OLR1: variants seen among roughly 807,000 people sequenced by gnomAD.
The protein encoded by OLR1 is oxidized low-density lipoprotein receptor 1.
In OLR1, 23 loss-of-function variants were observed where a neutral mutation model predicts 31.7. The ratio of observed to expected loss-of-function variants is 0.72; its 90% CI spans 0.52 to 1.03. The LOEUF (loss-of-function observed/expected upper bound fraction) is 1.03, where lower values mean the gene tolerates loss of function less well. Among genes scored for constraint, OLR1 ranks in the 50% least tolerant of loss-of-function variants. The probability of loss-of-function intolerance (pLI) is 0.00; values close to 1 mark genes in which losing one functional copy is unlikely to be tolerated. For missense variants in OLR1, 286 were observed against 315.7 expected (o/e 0.91, Z 0.71); for synonymous variants, 117 against 115.8 (o/e 1.01, Z -0.07).
chr12:10,165,595 T>C (rs1229647640), intron 3 of OLR1, among the ~76,000 whole-genome samples: 1 of 151,264 alleles, frequency 6.6e-6, no homozygotes, highest in Non-Finnish European at 1.5e-5. Context: ...GAGATAAGGA[T>C]CTATGGAATG....
intron 5 of OLR1, 47 bp downstream of exon 5, chr12:10,160,300 G>A: frequency 6.9e-7 from 1 of 1,455,178 alleles, no homozygotes; most frequent in South Asian, 1.2e-5. Context: ...GTTCAGCAAA[G>A]AATAGGAAAC....
chr12:10,167,051 T>C (rs1481589236), intron 2 of OLR1, 94 bp from the exon 3 acceptor site: 1 of 1,238,492 alleles, frequency 8.1e-7, no homozygotes, highest in Non-Finnish European at 1.1e-6. Flanking sequence ...TAAATCTATT[T>C]TGACAATAGA....
At chr12:10,174,708 T>C (rs1311690503), upstream of OLR1, among the ~76,000 whole-genome samples, 4 of 152,234 alleles carry the variant, frequency 2.6e-5, no homozygotes, top group African/African-American at 7.2e-5. Flanking sequence ...GTATTGATCC[T>C]CTTTCTCTGC....
intron 3 of OLR1, among the ~76,000 whole-genome samples, chr12:10,165,717 C>T (rs1040962116): frequency 4.7e-5 from 7 of 149,484 alleles, no homozygotes; most frequent in Non-Finnish European, 7.4e-5. Context: ...GCTGAGATCA[C>T]ACCACTGCAT....
intron 1 of OLR1, among the ~76,000 whole-genome samples, chr12:10,171,083 T>C (rs1188413097): frequency 1.3e-5 from 2 of 152,222 alleles, no homozygotes; most frequent in Admixed American, 6.5e-5. Flanking sequence ...AAGAAACGAA[T>C]GACTATTGTT....
intron 2 of OLR1, 51 bp from the exon 3 acceptor site, chr12:10,167,008 TC>T: frequency 6.5e-7 from 1 of 1,544,432 alleles, no homozygotes; most frequent in East Asian, 2.3e-5. Context: ...TAAAAATCCC[TC>T]CAGGGACTTT....
At chr12:10,167,413 G>C (rs1294818554) in intron 2 of OLR1, 1 of 153,080 alleles carries the variant, frequency 6.5e-6, no homozygotes, top group African/African-American at 2.4e-5. Flanking sequence ...CTGCACTCCA[G>C]CCTGGCGACA....
chr12:10,172,255 A>AT, upstream of OLR1: 2 of 556,958 alleles, frequency 3.6e-6, no homozygotes, highest in Non-Finnish European at 3.2e-6. Context: ...GCTGACGCAA[A>AT]TTCTTGAGTT....
At chr12:10,174,706 C>T (rs1229419408), upstream of OLR1, among the ~76,000 whole-genome samples, 1 of 152,154 alleles carries the variant, frequency 6.6e-6, no homozygotes, top group East Asian at 1.9e-4. Context: ...GCGTATTGAT[C>T]CTCTTTCTCT....
chr12:10,162,645 T>C (rs563221407), intron 3 of OLR1, among the ~76,000 whole-genome samples: 5 of 152,222 alleles, frequency 3.3e-5, no homozygotes, highest in African/African-American at 9.6e-5. Context: ...CTGTGCAACA[T>C]GGCGAAACCC....
chr12:10,159,791 C>T lies in OLR1; in HGVS notation c.*89G>A, dbSNP rs1475721516. On this transcript the variant is annotated 3_prime_UTR_variant, in exon 6 of 6. Transcript: ENST00000309539. ...CAGCTAAATGACAGTTTTCTGGGCT[C>T]TCATGTTTGGCACCCAAGTGACAAA... The T allele has an allele frequency of 1.5e-6, 2 of 1,362,164 alleles. No homozygotes were observed. The highest frequency in any genetic ancestry group is 2.0e-6 in the Non-Finnish European group (2 of 1,008,912). 84.4% of individuals were successfully genotyped at this position (1,362,164 alleles called of 1,614,324 possible).
chr12:10,162,955 T>TCG (rs1555087245), intron 3 of OLR1, among the ~76,000 whole-genome samples: 1 of 151,292 alleles, frequency 6.6e-6, no homozygotes, highest in Non-Finnish European at 1.5e-5. Flanking sequence ...CTGTATTTCT[T>TCG]TGTGTGTGTG....
intron 1 of OLR1, among the ~76,000 whole-genome samples, chr12:10,171,039 C>T (rs1266073477): frequency 2.0e-5 from 3 of 152,046 alleles, no homozygotes; most frequent in East Asian, 1.9e-4. Context: ...AAATTCAGAC[C>T]CTCAATATTT....
chr12:10,170,672 A>G (rs1444862614), intron 1 of OLR1: 2 of 152,058 alleles, frequency 1.3e-5, no homozygotes, highest in Non-Finnish European at 2.9e-5. Flanking sequence ...TTGTATTTTT[A>G]GTACAGATGA....
In OLR1 at chr12:10,158,660, A is replaced by G. The variant is rs1238052024; in HGVS notation, c.*1220T>C. 2.6e-5 allele frequency: 4 copies of G among 152,238 alleles called. No individual in the cohort carries two copies. Among genetic ancestry groups the G allele is most frequent in the Non-Finnish European group, 5.9e-5 (4 of 68,046 alleles). The allele number at this position is 152,238 out of a possible 1,614,324, so 9.4% of individuals were successfully genotyped here. On this transcript the variant is annotated 3_prime_UTR_variant, in exon 6 of 6. Transcript: ENST00000309539. Reference sequence around the variant, plus strand: ...GTTCACTCTCTTAATTGTAGTATGCATGTTCTCCACAAGGTGTGAAAACTT... The same window carrying G: ...GTTCACTCTCTTAATTGTAGTATGCGTGTTCTCCACAAGGTGTGAAAACTT...
At chr12:10,172,378 T>TA (rs1948730630), upstream of OLR1, 1 of 238,972 alleles carries the variant, frequency 4.2e-6, no homozygotes, top group African/African-American at 2.2e-5. Flanking sequence ...AGAGATATTG[T>TA]ACCCACTCTT....
intron 5 of OLR1, 135 bp from the exon 6 acceptor site, chr12:10,160,156 GAA>G: frequency 9.6e-7 from 1 of 1,041,862 alleles, no homozygotes; most frequent in East Asian, 2.4e-5. Context: ...GAAAACTCAA[GAA>G]AATGTCTGAA....
intron 3 of OLR1, 100 bp downstream of exon 3, chr12:10,166,612 A>G (rs1400100177): frequency 1.1e-5 from 14 of 1,260,278 alleles, no homozygotes; most frequent in Non-Finnish European, 1.6e-5. Context: ...TGATATGCAT[A>G]ACAATAGACC....
At chr12:10,168,669 T>A (rs1463196305) in intron 2 of OLR1, among the ~76,000 whole-genome samples, 1 of 152,134 alleles carries the variant, frequency 6.6e-6, no homozygotes, top group Non-Finnish European at 1.5e-5. Context: ...ACTTTTTGTA[T>A]TTTTAGTAGA....
Sources: gnomAD v4.1 joint callset for allele counts (sites outside exome capture counted in the v4.1 genomes callset) on GRCh38, gnomAD v4.1.1 for gene constraint, MANE v1.5 for transcripts, NCBI Gene and HGNC (gene_info 2026-07-23, HGNC 2026-07-21) for gene names.